RNF216: variants seen among roughly 807,000 people sequenced by gnomAD.
RNF216 encodes E3 ubiquitin-protein ligase RNF216.
A neutral mutation model predicts 110.8 loss-of-function variants in RNF216; 72 were observed. The ratio of observed to expected loss-of-function variants is 0.65; its 90% CI spans 0.54 to 0.79. The LOEUF (loss-of-function observed/expected upper bound fraction) is 0.79, where lower values mean the gene tolerates loss of function less well. RNF216 is among the 30% of genes least tolerant of loss of function. The probability of loss-of-function intolerance (pLI) is 0.00; values close to 1 mark genes in which losing one functional copy is unlikely to be tolerated. For synonymous variants in RNF216, 495 were observed against 407.5 expected (o/e 1.21, Z -2.59); for missense variants, 1,342 against 1,141.2 (o/e 1.18, Z -2.54).
In RNF216 at chr7:5,635,416, A is replaced by C. The variant is rs371232219; in HGVS notation, c.2382+5738T>G. ...GGCTCACTTTACTCTTTTGTAGAAT[A>C]AATTTTTAAGGTTAAGGAAAAAATT... On this transcript the variant is annotated intron_variant, in intron 15 of 16. Transcript: ENST00000389902. 2.6e-5 allele frequency among the ~76,000 whole-genome samples: 4 copies of C among 152,240 alleles called. No individual in the cohort carries two copies. In the East Asian group the frequency reaches 5.8e-4, roughly 22 times the overall value.
chr7:5,628,131 C>A (rs916533739), intron 15 of RNF216, among the ~76,000 whole-genome samples: 1 of 152,156 alleles, frequency 6.6e-6, no homozygotes, highest in Non-Finnish European at 1.5e-5. Flanking sequence ...GTGTCGCATC[C>A]TCACCCTCCG....
At chr7:5,637,731 A>C (rs1279985367) in intron 15 of RNF216, among the ~76,000 whole-genome samples, 6 of 152,066 alleles carry the variant, frequency 3.9e-5, no homozygotes, top group African/African-American at 1.2e-4. Flanking sequence ...GTAGAGATGG[A>C]GTTTTGCCAT....
intron 5 of RNF216, among the ~76,000 whole-genome samples, chr7:5,734,728 G>T (rs1409368304): frequency 2.0e-5 from 3 of 151,636 alleles, no homozygotes; most frequent in East Asian, 3.9e-4. Flanking sequence ...GGAGACTGAG[G>T]CAGGAGAATC....
intron 14 of RNF216, among the ~76,000 whole-genome samples, chr7:5,650,186 C>G (rs117205629): frequency 7.0e-4 from 107 of 152,286 alleles, no homozygotes; most frequent in Non-Finnish European, 1.1e-3. Context: ...CATCCTCTAT[C>G]ACTAAGGAAG....
chr7:5,654,186 A>G (rs895033790), intron 13 of RNF216, among the ~76,000 whole-genome samples: 2 of 152,226 alleles, frequency 1.3e-5, no homozygotes, highest in Admixed American at 6.5e-5. Flanking sequence ...GGACAGGTAG[A>G]AAAGGGGACT....
At chr7:5,643,962 C>T (rs1459381348) in intron 14 of RNF216, among the ~76,000 whole-genome samples, 1 of 152,140 alleles carries the variant, frequency 6.6e-6, no homozygotes, top group Non-Finnish European at 1.5e-5. Context: ...TGTTTTTGTG[C>T]CTTTTTTCAC....
At chr7:5,739,171 A>G in intron 5 of RNF216, 105 bp downstream of exon 5, 1 of 1,310,318 alleles carries the variant, frequency 7.6e-7, no homozygotes. Flanking sequence ...TTTACTTAAC[A>G]ACACCAAATT....
At chr7:5,732,653 G>C (rs1794160281) in intron 5 of RNF216, among the ~76,000 whole-genome samples, 1 of 152,218 alleles carries the variant, frequency 6.6e-6, no homozygotes, top group Non-Finnish European at 1.5e-5. Flanking sequence ...TGGAGGTTAA[G>C]TGACATTTGG....
At chr7:5,741,939 C>T in intron 3 of RNF216, 124 bp from the exon 4 acceptor site, 1 of 932,628 alleles carries the variant, frequency 1.1e-6, no homozygotes, top group East Asian at 2.6e-5. Context: ...CTTAACAATA[C>T]CTATTCTTTA....
chr7:5,716,313 C>T (rs563777281), intron 10 of RNF216, among the ~76,000 whole-genome samples: 202 of 152,120 alleles, frequency 1.3e-3, no homozygotes, highest in Non-Finnish European at 2.4e-3. Context: ...AGTTCAAGAC[C>T]AGCCTGGCCA....
At chr7:5,743,190 G>C (rs150890759) in intron 3 of RNF216, among the ~76,000 whole-genome samples, 5 of 152,176 alleles carry the variant, frequency 3.3e-5, no homozygotes, top group African/African-American at 1.2e-4. Flanking sequence ...GAACCAGGGA[G>C]TCAAGAGGTT....
In RNF216 at chr7:5,755,210, G is replaced by T. The variant is rs113444315; in HGVS notation, c.68-2231C>A. ...GAAGGAAGGAAGGAAGGGAGGGAAG[G>T]AAGAAAGGAAGGAAGGGAGGGAAGG... On this transcript the variant is annotated intron_variant, in intron 2 of 16. Transcript: ENST00000389902. 2.8e-3 allele frequency among the ~76,000 whole-genome samples: 330 copies of T among 119,070 alleles called. 3 individuals are homozygous for T. The highest frequency in any genetic ancestry group is 0.011 in the Middle Eastern group (3 of 264). The allele number at this position is 119,070 out of a possible 152,430, so 78.1% of individuals were successfully genotyped here.
chr7:5,761,187 T>A (rs1443836700), intron 1 of RNF216, 49 bp from the exon 2 acceptor site: 2 of 601,154 alleles, frequency 3.3e-6, no homozygotes, highest in East Asian at 6.3e-5. Context: ...GTATCAAAAC[T>A]CTTGCCATGT....
intron 13 of RNF216, among the ~76,000 whole-genome samples, chr7:5,655,513 G>C (rs911438957): frequency 6.6e-6 from 1 of 152,084 alleles, no homozygotes; most frequent in Non-Finnish European, 1.5e-5. Flanking sequence ...GGCTGAGGCA[G>C]GAGAATTGCT....
intron 13 of RNF216, among the ~76,000 whole-genome samples, chr7:5,655,206 G>GT (rs1275506169): frequency 3.3e-5 from 5 of 152,176 alleles, no homozygotes; most frequent in Non-Finnish European, 7.4e-5. Context: ...GAGGGCCACT[G>GT]TGAGGCCCTC....
At chr7:5,632,763 G>C (rs1035314307) in intron 15 of RNF216, among the ~76,000 whole-genome samples, 2 of 152,022 alleles carry the variant, frequency 1.3e-5, no homozygotes, top group Non-Finnish European at 2.9e-5. Context: ...GGCGACAAGA[G>C]CAAAACTCCA....
At chr7:5,669,943 T>C (rs540770942) in intron 13 of RNF216, among the ~76,000 whole-genome samples, 5 of 152,020 alleles carry the variant, frequency 3.3e-5, no homozygotes, top group Non-Finnish European at 1.5e-5. Flanking sequence ...TTTTTTTTTT[T>C]TGAGATGGAG....
At chr7:5,678,656 T>C (rs892306285) in intron 13 of RNF216, among the ~76,000 whole-genome samples, 1 of 152,236 alleles carries the variant, frequency 6.6e-6, no homozygotes, top group African/African-American at 2.4e-5. Context: ...CAACTGCTGC[T>C]CTGCCATGGC....
At position 5,622,437 on chromosome 7, in the gene RNF216, C is replaced by A. The variant is rs1786426412; in HGVS notation, c.*423G>T. ...CCCTGAGCAATGCTTCCCAGGCCCG[C>A]AGGTGCAGCCCCCTCTGCCCTTGGC... On this transcript the variant is annotated 3_prime_UTR_variant, in exon 17 of 17. Transcript: ENST00000389902. 1 of 164,028 alleles carries A rather than the reference C, an allele frequency of 6.1e-6. No individual in the cohort carries two copies. Among genetic ancestry groups the A allele is most frequent in the Non-Finnish European group, 1.3e-5 (1 of 76,262 alleles). The allele number at this position is 164,028 out of a possible 1,614,324, so 10.2% of individuals were successfully genotyped here. A position where few individuals can be genotyped will look rare whatever the true frequency, so the allele number is the denominator to read the frequency against.
Sources: gnomAD v4.1 joint callset for allele counts (sites outside exome capture counted in the v4.1 genomes callset) on GRCh38, gnomAD v4.1.1 for gene constraint, MANE v1.5 for transcripts, NCBI Gene and HGNC (gene_info 2026-07-23, HGNC 2026-07-21) for gene names.